The following TMEM181 variants were observed in gnomAD, a reference collection of about 807,000 sequenced individuals.
The protein encoded by TMEM181 is G protein-coupled receptor 178.
Under a neutral mutation model 71.9 loss-of-function variants are expected in TMEM181, and 39 were observed. The ratio of observed to expected loss-of-function variants is 0.54; its 90% CI spans 0.42 to 0.71. The LOEUF is 0.71. Among genes scored for constraint, TMEM181 ranks in the 30% least tolerant of loss-of-function variants. TMEM181 has a pLI of 0.00. For missense variants in TMEM181, 595 were observed against 583.0 expected (o/e 1.02, Z -0.21); for synonymous variants, 245 against 228.8 (o/e 1.07, Z -0.64).
At chr6:158,587,498 A>AC (rs1489382395) in intron 5 of TMEM181, among the ~76,000 whole-genome samples, 1 of 148,840 alleles carries the variant, frequency 6.7e-6, no homozygotes, top group Non-Finnish European at 1.5e-5. Context: ...CTCTTATATT[A>AC]CTTTTTTTTT....
intron 10 of TMEM181, chr6:158,610,725 A>G: frequency 3.4e-6 from 1 of 297,428 alleles, no homozygotes; most frequent in South Asian, 5.8e-5. Context: ...GAGTTGGGGG[A>G]AGAATCACTC....
upstream of TMEM181, among the ~76,000 whole-genome samples, chr6:158,556,656 T>C (rs1781900287): frequency 6.6e-6 from 1 of 152,246 alleles, no homozygotes; most frequent in African/African-American, 2.4e-5. Context: ...GCGATGGTCT[T>C]TGTGCAAGGT....
chr6:158,556,587 G>A (rs1781895497), upstream of TMEM181, among the ~76,000 whole-genome samples: 1 of 152,168 alleles, frequency 6.6e-6, no homozygotes, highest in South Asian at 2.1e-4. Context: ...CAAGGGGGAT[G>A]CCAGTCTCGC....
intron 6 of TMEM181, among the ~76,000 whole-genome samples, chr6:158,603,371 A>G (rs963729627): frequency 6.6e-6 from 1 of 152,200 alleles, no homozygotes; most frequent in Non-Finnish European, 1.5e-5. Context: ...TCGCCTGCAC[A>G]GTTGACAGCA....
intron 5 of TMEM181, among the ~76,000 whole-genome samples, chr6:158,586,825 G>A (rs1311363095): frequency 6.6e-6 from 1 of 152,170 alleles, no homozygotes; most frequent in East Asian, 1.9e-4. Context: ...TTCCCTGCCT[G>A]CCTTAGGAAA....
chr6:158,539,909 C>T (rs1781275862), intron 1 of TMEM181, among the ~76,000 whole-genome samples: 1 of 152,194 alleles, frequency 6.6e-6, no homozygotes, highest in South Asian at 2.1e-4. Flanking sequence ...ACCCTCTTCA[C>T]ACGGATTTTC....
At chr6:158,615,681 C>A (rs1785573111) in intron 10 of TMEM181, among the ~76,000 whole-genome samples, 2 of 152,166 alleles carry the variant, frequency 1.3e-5, no homozygotes, top group South Asian at 4.1e-4. Flanking sequence ...AGGAAGAGAT[C>A]CCATTTCAGC....
At chr6:158,556,238 G>C (rs376198266), upstream of TMEM181, among the ~76,000 whole-genome samples, 3 of 152,292 alleles carry the variant, frequency 2.0e-5, no homozygotes, top group Admixed American at 6.5e-5. Flanking sequence ...CCTGAGAGAA[G>C]AGTCGCCTTG....
intron 11 of TMEM181, 132 bp from the exon 12 acceptor site, chr6:158,624,972 C>G (rs1223873274): frequency 5.4e-6 from 4 of 739,164 alleles, no homozygotes. Context: ...GCCCATTGTT[C>G]TGCTTCCTGG....
chr6:158,610,992 GA>G, intron 10 of TMEM181: 1 of 440,384 alleles, frequency 2.3e-6, no homozygotes, highest in Non-Finnish European at 4.5e-6. Flanking sequence ...GCTTCCTGAA[GA>G]GGGGTGCTCC....
chr6:158,597,978 C>G (rs1413292314), intron 6 of TMEM181, among the ~76,000 whole-genome samples: 1 of 152,176 alleles, frequency 6.6e-6, no homozygotes, highest in African/African-American at 2.4e-5. Context: ...TTCTCTGTAT[C>G]CCTCTTGTAT....
In TMEM181 at chr6:158,625,154, C is replaced by G; in HGVS notation, c.1005C>G (p.Leu335=). 1 of 1,614,188 alleles carries G rather than the reference C, an allele frequency of 6.2e-7. No homozygotes were observed. Among genetic ancestry groups the G allele is most frequent in the Non-Finnish European group, 8.5e-7 (1 of 1,180,032 alleles). ...TGGCAGCGGTGTACATTCTGTACCT[C>G]TTGTTCTTGATAGTGCGGGCGTGTT... The part of the protein sequence containing the change: ...MVVAAVYILY[L]LFLIVRACSE... The change falls in exon 12 of 17, where the codon CTC becomes CTG. Residue 335 remains leucine (L), a synonymous_variant. Coordinates refer to ENST00000684151, the MANE Select transcript of TMEM181 (RefSeq NM_001376852.1).
chr6:158,570,581 TG>T (rs1228118739), intron 1 of TMEM181, among the ~76,000 whole-genome samples: 2 of 152,062 alleles, frequency 1.3e-5, no homozygotes, highest in East Asian at 3.9e-4. Flanking sequence ...GAAACAGGTC[TG>T]GAGTCAGTAT....
chr6:158,588,903 G>A lies in TMEM181; in HGVS notation c.382-769G>A, dbSNP rs997467685. On this transcript the variant is annotated intron_variant, in intron 5 of 16. Transcript: ENST00000684151. ...CTGGGCAGCAGCAGGATGGTGGAGAGTGACATTCCGAAAGGCAGGGCCGGG... is the reference window on the plus strand; with the variant it reads ...CTGGGCAGCAGCAGGATGGTGGAGAATGACATTCCGAAAGGCAGGGCCGGG... Among the ~76,000 whole-genome samples, 3 of 152,204 alleles carry A rather than the reference G, an allele frequency of 2.0e-5. No homozygotes were observed. The South Asian group carries it at 6.2e-4, about 32-fold the overall frequency.
intron 1 of TMEM181, among the ~76,000 whole-genome samples, chr6:158,549,443 T>C (rs549265998): frequency 6.6e-6 from 1 of 152,328 alleles, no homozygotes; most frequent in East Asian, 1.9e-4. Flanking sequence ...TAGTAGACTT[T>C]CAAGTGATTC....
At chr6:158,623,731 T>G in intron 11 of TMEM181, 124 bp downstream of exon 11, 2 of 619,248 alleles carry the variant, frequency 3.2e-6, no homozygotes, top group South Asian at 5.6e-5. Flanking sequence ...AAGGACTACA[T>G]AGAAAGTTCA....
intron 10 of TMEM181, among the ~76,000 whole-genome samples, chr6:158,611,976 A>ACCCCCCC (rs55849301): frequency 1.5e-5 from 2 of 130,178 alleles, no homozygotes; most frequent in African/African-American, 5.5e-5. Context: ...CTGCAGGGAT[A>ACCCCCCC]CCCCCCCCAC....
At chr6:158,625,064 G>A (rs200672315) in intron 11 of TMEM181, 40 bp from the exon 12 acceptor site, 2 of 1,495,610 alleles carry the variant, frequency 1.3e-6, no homozygotes, top group African/African-American at 1.4e-5. Context: ...AGGTCACAGA[G>A]GCCCTGTTCC....
intron 6 of TMEM181, among the ~76,000 whole-genome samples, chr6:158,591,121 T>C: frequency 6.6e-6 from 1 of 152,312 alleles, no homozygotes; most frequent in South Asian, 2.1e-4. Context: ...GCGTTTGGGT[T>C]GTTTCCATTT....
Sources: gnomAD v4.1 joint callset for allele counts (sites outside exome capture counted in the v4.1 genomes callset) on GRCh38, gnomAD v4.1.1 for gene constraint, MANE v1.5 for transcripts, NCBI Gene and HGNC (gene_info 2026-07-23, HGNC 2026-07-21) for gene names.